The following PCSK5 variants were observed in gnomAD, a reference collection of about 807,000 sequenced individuals.
The protein encoded by PCSK5 is proprotein convertase subtilisin/kexin type 5.
Under a neutral mutation model 233.2 loss-of-function variants are expected in PCSK5, and 129 were observed. The observed-to-expected ratio is 0.55, with a 90% confidence interval of 0.48 to 0.64. PCSK5 has a LOEUF of 0.64. PCSK5 is among the 30% of genes least tolerant of loss of function. PCSK5 has a pLI of 0.00. For synonymous variants in PCSK5, 825 were observed against 879.2 expected (o/e 0.94, Z 1.09); for missense variants, 2,076 against 2,430.1 (o/e 0.85, Z 3.06).
chr9:76,009,144 A>G (rs927961048), intron 3 of PCSK5, among the ~76,000 whole-genome samples: 5 of 152,314 alleles, frequency 3.3e-5, no homozygotes, highest in African/African-American at 9.6e-5. Flanking sequence ...AGCAAAAAGC[A>G]TGCGCAAAAT....
At chr9:76,153,764 A>G (rs1823769382) in intron 10 of PCSK5, among the ~76,000 whole-genome samples, 3 of 152,330 alleles carry the variant, frequency 2.0e-5, no homozygotes, top group South Asian at 4.1e-4. Context: ...TAAACGCTTT[A>G]TGACACTTGG....
At position 76,270,527 on chromosome 9, in the gene PCSK5, A is replaced by G. The variant is rs529985354; in HGVS notation, c.3143-21706A>G. ...CTTGGCACAGTATCCTGAATAGAGG[A>G]CATTCAAGGCAAGGTCTTGAAATAA... On this transcript the variant is annotated intron_variant, in intron 24 of 37. Coordinates refer to ENST00000674117, the MANE Select transcript of PCSK5 (RefSeq NM_001372043.1). Among the ~76,000 whole-genome samples, 26 of 152,306 alleles carry G rather than the reference A, an allele frequency of 1.7e-4. No individual in the cohort carries two copies. The South Asian group carries it at 5.4e-3, about 32-fold the overall frequency.
intron 25 of PCSK5, among the ~76,000 whole-genome samples, chr9:76,294,216 T>C: frequency 6.7e-6 from 1 of 150,234 alleles, no homozygotes; most frequent in Non-Finnish European, 1.5e-5. Flanking sequence ...AAAAAACAGT[T>C]GTTAAGGAAG....
rs1830413898 is a variant in PCSK5, at chr9:76,360,508, C to G, written c.*1586C>G. 6.6e-6 allele frequency: 1 copy of G among 152,170 alleles called. No individual in the cohort carries two copies. Among genetic ancestry groups the G allele is most frequent in the African/African-American group, 2.4e-5 (1 of 41,430 alleles). The allele number at this position is 152,170 out of a possible 1,614,324, so 9.4% of individuals were successfully genotyped here. On this transcript the variant is annotated 3_prime_UTR_variant, in exon 38 of 38. Coordinates refer to ENST00000674117, the MANE Select transcript of PCSK5 (RefSeq NM_001372043.1). Reference sequence around the variant, plus strand: ...TTAAAGTCATGCCTATTGTTTTAGTCTATAATATCAATGTTATCTTTACTA... The same window carrying G: ...TTAAAGTCATGCCTATTGTTTTAGTGTATAATATCAATGTTATCTTTACTA...
chr9:75,909,151 C>G (rs553509716), intron 1 of PCSK5, among the ~76,000 whole-genome samples: 11 of 143,126 alleles, frequency 7.7e-5, no homozygotes, highest in Admixed American at 2.8e-4. Context: ...ATGGCGAAAC[C>G]CTTTCTCTAC....
intron 7 of PCSK5, among the ~76,000 whole-genome samples, chr9:76,078,937 GA>G (rs945200518): frequency 6.6e-6 from 1 of 152,090 alleles, no homozygotes; most frequent in African/African-American, 2.4e-5. Context: ...TAACAATATT[GA>G]TTCTTCCAAT....
At chr9:75,940,410 T>C (rs1370578241) in intron 2 of PCSK5, among the ~76,000 whole-genome samples, 1 of 152,208 alleles carries the variant, frequency 6.6e-6, no homozygotes, top group Non-Finnish European at 1.5e-5. Flanking sequence ...CATAAGCCAT[T>C]TCCTCTGAAG....
At chr9:76,209,573 A>G in intron 20 of PCSK5, 2 of 513,250 alleles carry the variant, frequency 3.9e-6, no homozygotes, top group East Asian at 5.6e-5. Flanking sequence ...GCTTTTAACT[A>G]TCGTGTCACT....
At position 76,249,756 on chromosome 9, in the gene PCSK5, G is replaced by A. The variant is rs150958154; in HGVS notation, c.3142+9072G>A. Among the ~76,000 whole-genome samples the A allele has an allele frequency of 2.0e-3, 311 of 152,252 alleles. 2 individuals are homozygous for A. Among genetic ancestry groups the A allele is most frequent in the Non-Finnish European group, 2.5e-3 (170 of 68,014 alleles). The stretch of plus-strand genomic sequence containing the variant: ...ATTTGACTGCAGAAAGTAAGGAGGT[G>A]CTCAAAGGAAAAAATCCACAATGAT... On this transcript the variant is annotated intron_variant, in intron 24 of 37. Coordinates refer to ENST00000674117, the MANE Select transcript of PCSK5 (RefSeq NM_001372043.1).
At chr9:75,959,293 G>A (rs1185995931) in intron 2 of PCSK5, among the ~76,000 whole-genome samples, 1 of 152,166 alleles carries the variant, frequency 6.6e-6, no homozygotes, top group Non-Finnish European at 1.5e-5. Context: ...ACAGAGAGTG[G>A]CATTGTTTAG....
intron 9 of PCSK5, among the ~76,000 whole-genome samples, chr9:76,115,756 G>A (rs931022733): frequency 6.6e-6 from 1 of 152,024 alleles, no homozygotes; most frequent in Non-Finnish European, 1.5e-5. Flanking sequence ...TCATTGGATG[G>A]CTTCATCAAA....
intron 1 of PCSK5, among the ~76,000 whole-genome samples, chr9:75,913,484 A>G (rs1240253637): frequency 6.6e-6 from 1 of 152,188 alleles, no homozygotes; most frequent in Non-Finnish European, 1.5e-5. Context: ...CATCCACACA[A>G]CAAATCTCTA....
At chr9:76,141,378 G>A (rs1823218902) in intron 10 of PCSK5, among the ~76,000 whole-genome samples, 1 of 152,110 alleles carries the variant, frequency 6.6e-6, no homozygotes, top group Non-Finnish European at 1.5e-5. Context: ...TGAACTCAGT[G>A]GTTCAGTGGT....
intron 2 of PCSK5, among the ~76,000 whole-genome samples, chr9:75,938,518 C>T (rs1323556954): frequency 6.6e-6 from 1 of 152,178 alleles, no homozygotes; most frequent in Admixed American, 6.5e-5. Flanking sequence ...GACCCAGACA[C>T]ACGAAGTGAG....
chr9:76,279,689 T>G (rs1827807946), intron 24 of PCSK5, among the ~76,000 whole-genome samples: 1 of 152,122 alleles, frequency 6.6e-6, no homozygotes, highest in Non-Finnish European at 1.5e-5. Flanking sequence ...TTTCACATGT[T>G]TTTTGGCTGC....
chr9:75,937,648 G>A (rs1824117159), intron 2 of PCSK5, among the ~76,000 whole-genome samples: 1 of 152,228 alleles, frequency 6.6e-6, no homozygotes, highest in African/African-American at 2.4e-5. Flanking sequence ...GTCATAGGTG[G>A]CATCTTCTTT....
chr9:75,972,159 T>C (rs1388107579), intron 2 of PCSK5, among the ~76,000 whole-genome samples: 2 of 152,204 alleles, frequency 1.3e-5, no homozygotes, highest in East Asian at 1.9e-4. Flanking sequence ...TGCTTGTTTT[T>C]GTCAGGTTTG....
At chr9:76,239,382 C>A (rs923190056) in intron 23 of PCSK5, among the ~76,000 whole-genome samples, 3 of 152,132 alleles carry the variant, frequency 2.0e-5, no homozygotes, top group Non-Finnish European at 4.4e-5. Context: ...AATCCAAGGT[C>A]ATAGGAATGC....
At position 76,350,869 on chromosome 9, in the gene PCSK5, C is replaced by T; in HGVS notation, c.5008C>T (p.His1670Tyr). 2 of 1,609,634 alleles carry T rather than the reference C, an allele frequency of 1.2e-6. No individual in the cohort carries two copies. Among genetic ancestry groups the T allele is most frequent in the Non-Finnish European group, 1.7e-6 (2 of 1,177,538 alleles). ...LNCLSCVWSY[H>Y]LMGGICTSDC... ...TTGTTTATCCTGTGTGTGGAGTTACCACCTCATGGGAGGGATCTGCACCTC... is the reference window on the plus strand; with the variant it reads ...TTGTTTATCCTGTGTGTGGAGTTACTACCTCATGGGAGGGATCTGCACCTC... The change falls in exon 36 of 38, where the codon CAC (histidine) becomes TAC (tyrosine). Residue 1670 changes from histidine to tyrosine, a missense_variant. Physicochemically the swap from His to Tyr is moderately conservative, Grantham distance 83. This residue lies in a region of PCSK5 where 1,510 missense variants were observed against 1,538.1 expected (regional missense o/e 0.98). Coordinates refer to ENST00000674117, the MANE Select transcript of PCSK5 (RefSeq NM_001372043.1).
Sources: gnomAD v4.1 joint callset for allele counts (sites outside exome capture counted in the v4.1 genomes callset) on GRCh38, gnomAD v4.1.1 for gene constraint, gnomAD v4.1.1 regional missense constraint, MANE v1.5 for transcripts, NCBI Gene and HGNC (gene_info 2026-07-23, HGNC 2026-07-21) for gene names.